The following EVL variants were observed in gnomAD, a reference collection of about 807,000 sequenced individuals.
The protein encoded by EVL is Enah/Vasp-like.
Under a neutral mutation model 59.6 loss-of-function variants are expected in EVL, and 21 were observed. That is an observed-to-expected ratio of 0.35 (90% CI 0.25 to 0.51). EVL has a LOEUF of 0.51. Ranked by LOEUF, EVL falls within the 20% of genes least tolerant of loss-of-function variation. EVL has a pLI of 0.97. For missense variants in EVL, 462 were observed against 546.6 expected (o/e 0.85, Z 1.54); for synonymous variants, 198 against 203.5 (o/e 0.97, Z 0.23).
chr14:100,123,634 C>T (rs971296287), intron 4 of EVL, 32 bp downstream of exon 4: 1 of 1,611,838 alleles, frequency 6.2e-7, no homozygotes, highest in African/African-American at 1.3e-5. Context: ...CCAGGCTGGT[C>T]ATCTCCCAAT....
intron 8 of EVL, 37 bp downstream of exon 8, chr14:100,132,816 C>G (rs769205225): frequency 1.2e-6 from 2 of 1,610,544 alleles, no homozygotes; most frequent in Non-Finnish European, 1.7e-6. Flanking sequence ...AGGCTCCCCA[C>G]TGAGATGAGC....
At chr14:100,091,130 G>A (rs1005758384) in intron 2 of EVL, among the ~76,000 whole-genome samples, 4 of 152,228 alleles carry the variant, frequency 2.6e-5, no homozygotes, top group South Asian at 2.1e-4. Flanking sequence ...GAATGTCGGC[G>A]TGCTGCCCGC....
intron 1 of EVL, among the ~76,000 whole-genome samples, chr14:100,031,595 T>C (rs965078248): frequency 5.3e-5 from 8 of 152,306 alleles, no homozygotes; most frequent in South Asian, 2.1e-4. Context: ...CTAGAACTTA[T>C]GCTGGTTCGT....
chr14:100,091,676 C>T (rs766930881), intron 2 of EVL, among the ~76,000 whole-genome samples: 3 of 152,094 alleles, frequency 2.0e-5, no homozygotes, highest in Non-Finnish European at 4.4e-5. Context: ...CCTAGGTAAA[C>T]GGTTTCCCTG....
At chr14:99,982,166 A>G (rs995834482) in intron 1 of EVL, among the ~76,000 whole-genome samples, 2 of 152,174 alleles carry the variant, frequency 1.3e-5, no homozygotes, top group Admixed American at 6.5e-5. Context: ...TAGTTCCTTT[A>G]TCATTCCCAG....
intron 3 of EVL, among the ~76,000 whole-genome samples, chr14:100,103,843 A>AT (rs1372946652): frequency 4.6e-5 from 7 of 152,186 alleles, no homozygotes; most frequent in Admixed American, 3.9e-4. Context: ...TGTTGAGTGC[A>AT]TAGATACAAG....
rs1886779666 is a variant in EVL at position 100,109,172 on chromosome 14, CACTCTCTCCCCTGAA to C, written c.358+11515_358+11529del. 6.6e-6 allele frequency among the ~76,000 whole-genome samples: 1 copy of C among 152,240 alleles called. No homozygotes were observed. The highest frequency in any genetic ancestry group is 6.5e-5 in the Admixed American group (1 of 15,290). On this transcript the variant is annotated intron_variant, in intron 3 of 13. Transcript: ENST00000392920. This position sits in a 1 kb window ranked among gnomAD's most constrained non-coding sequence, Gnocchi z 4.3. The stretch of plus-strand genomic sequence containing the variant: ...CATATTCTCACCGTCTCTCCCCTGA[CACTCTCTCCCCTGAA>C]GTGTTGTAATGGGGTTGTAACCCAT...
At chr14:100,000,589 C>T (rs557968683) in intron 1 of EVL, among the ~76,000 whole-genome samples, 2 of 152,158 alleles carry the variant, frequency 1.3e-5, no homozygotes, top group East Asian at 1.9e-4. Context: ...CCTCGTGATC[C>T]GCCCACCTCG....
At chr14:100,121,179 G>A (rs1887673894) in intron 3 of EVL, among the ~76,000 whole-genome samples, 1 of 152,212 alleles carries the variant, frequency 6.6e-6, no homozygotes, top group Admixed American at 6.5e-5. Flanking sequence ...GCAGCCAGGA[G>A]CCTTCCTTAG....
intron 5 of EVL, 48 bp from the exon 6 acceptor site, chr14:100,128,471 C>A (rs747614488): frequency 1.9e-6 from 3 of 1,592,098 alleles, no homozygotes; most frequent in South Asian, 1.1e-5. Context: ...GCAGGCTTGG[C>A]CCCCAGCTGG....
In EVL at chr14:100,123,228, C is replaced by T. The variant is rs148090092; in HGVS notation, c.359-311C>T. 3.3e-4 allele frequency among the ~76,000 whole-genome samples: 50 copies of T among 152,158 alleles called. 1 individual carries two copies. In the East Asian group the frequency reaches 6.4e-3, roughly 19 times the overall value. On this transcript the variant is annotated intron_variant, in intron 3 of 13. Transcript: ENST00000392920. ...AGGGGGTGGTGGCCAGCAAGAAGGT[C>T]GAAGCAGTGAGAAGATAGTTTGAGA...
chr14:100,094,351 T>TC (rs1050300699), intron 2 of EVL, among the ~76,000 whole-genome samples: 4 of 151,204 alleles, frequency 2.6e-5, no homozygotes, highest in Admixed American at 1.3e-4. Context: ...AATTCTCATT[T>TC]CCCCCCCAAG....
rs917171300 is a variant in EVL, at chr14:100,109,598, C to G, written c.358+11940C>G. 5 of 497,104 alleles carry G rather than the reference C, an allele frequency of 1.0e-5. No individual in the cohort carries two copies. Among genetic ancestry groups the G allele is most frequent in the Non-Finnish European group, 2.1e-5 (5 of 238,832 alleles). 30.8% of individuals were successfully genotyped at this position (497,104 alleles called of 1,614,324 possible). A position where few individuals can be genotyped will look rare whatever the true frequency, so the allele number is the denominator to read the frequency against. The stretch of plus-strand genomic sequence containing the variant: ...GCCTGGCACTTCCTGCCATTGCATC[C>G]TTCTCTGCAGACTAAGATGGAGTTC... On this transcript the variant is annotated intron_variant, in intron 3 of 13. Transcript: ENST00000392920. This position sits in a 1 kb window ranked among gnomAD's most constrained non-coding sequence, Gnocchi z 4.3.
At chr14:100,000,537 C>T (rs753792537) in intron 1 of EVL, among the ~76,000 whole-genome samples, 9 of 151,908 alleles carry the variant, frequency 5.9e-5, no homozygotes, top group Non-Finnish European at 1.3e-4. Context: ...TTAGTAAAGA[C>T]GGGGTTTCAC....
chr14:100,114,323 C>T lies in EVL; in HGVS notation c.359-9216C>T, dbSNP rs997194280. The stretch of plus-strand genomic sequence containing the variant: ...ACGCCACACCTACCCTGTTCCATCC[C>T]ATTGCCCACAGGGTTAAGAGGAGTG... On this transcript the variant is annotated intron_variant, in intron 3 of 13. Transcript: ENST00000392920. The surrounding 1 kb of genome is among the most constrained non-coding windows in gnomAD (Gnocchi z 5.0). Among the ~76,000 whole-genome samples the T allele has an allele frequency of 7.2e-5, 11 of 152,116 alleles. No individual in the cohort carries two copies. The highest frequency in any genetic ancestry group is 1.3e-4 in the Non-Finnish European group (9 of 68,018).
intron 1 of EVL, among the ~76,000 whole-genome samples, chr14:100,028,134 G>T (rs111954424): frequency 0.025 from 2,964 of 118,424 alleles, 105 homozygotes; most frequent in African/African-American, 0.068. Context: ...TTGTTTGTTT[G>T]TTTTTTTTTT....
rs1362174367 is a variant in EVL, at chr14:99,978,922, C to G, written c.5+6865C>G. ...GAGCTAAACACTCGAGGCACATGTC[C>G]ACTTATTTTAGCAAAAAAGTACTAT... On this transcript the variant is annotated intron_variant, in intron 1 of 13. Transcript: ENST00000402714. Among the ~76,000 whole-genome samples, 7 of 152,144 alleles carry G rather than the reference C, an allele frequency of 4.6e-5. 1 individual carries two copies. The South Asian group carries it at 1.5e-3, about 32-fold the overall frequency.
intron 1 of EVL, among the ~76,000 whole-genome samples, chr14:100,044,992 AG>A (rs1159884340): frequency 4.6e-5 from 7 of 152,314 alleles, no homozygotes; most frequent in African/African-American, 1.7e-4. Flanking sequence ...CTGGAGCAAA[AG>A]CTAGGCATAG....
chr14:100,050,246 T>A (rs987789345), intron 1 of EVL, among the ~76,000 whole-genome samples: 4 of 152,234 alleles, frequency 2.6e-5, no homozygotes, highest in African/African-American at 9.6e-5. Flanking sequence ...GAGTTTTCTG[T>A]CTTTAAACAT....
Sources: allele counts gnomAD v4.1 joint callset (sites outside exome capture counted in the v4.1 genomes callset), GRCh38; gene constraint gnomAD v4.1.1; non-coding constraint Gnocchi (gnomAD v3.1); transcripts MANE v1.5; gene names NCBI Gene and HGNC (gene_info 2026-07-23, HGNC 2026-07-21).